SLC12A7: variants seen among roughly 807,000 people sequenced by gnomAD.
The protein encoded by SLC12A7 is K-Cl cotransporter 4.
Under a neutral mutation model 120.6 loss-of-function variants are expected in SLC12A7, and 100 were observed. The ratio of observed to expected loss-of-function variants is 0.83; its 90% CI spans 0.71 to 0.98. The LOEUF (loss-of-function observed/expected upper bound fraction) is 0.98, where lower values mean the gene tolerates loss of function less well. SLC12A7 is among the 50% of genes least tolerant of loss of function. The pLI, the probability that SLC12A7 is intolerant of heterozygous loss-of-function variation, is 0.00. For missense variants in SLC12A7, 1,373 were observed against 1,548.1 expected, an observed-to-expected ratio of 0.89 and a Z score of 1.90; for synonymous variants, 760 against 678.0, an observed-to-expected ratio of 1.12 and a Z score of -1.88.
At chr5:1,069,460 C>T (rs1156591379) in intron 17 of SLC12A7, among the ~76,000 whole-genome samples, 1 of 152,240 alleles carries the variant, frequency 6.6e-6, no homozygotes, top group Non-Finnish European at 1.5e-5. Flanking sequence ...CAGTGGGGGC[C>T]TGGCAGCAGG....
intron 11 of SLC12A7, among the ~76,000 whole-genome samples, chr5:1,078,365 C>T (rs978612796): frequency 2.6e-5 from 4 of 152,010 alleles, no homozygotes; most frequent in African/African-American, 4.8e-5. Context: ...TGATGACCTG[C>T]CTGGGACCCC....
chr5:1,106,361 G>A (rs1742528010), intron 1 of SLC12A7, among the ~76,000 whole-genome samples: 3 of 147,986 alleles, frequency 2.0e-5, no homozygotes, highest in South Asian at 2.1e-4. Flanking sequence ...GCTGAGGCAC[G>A]AGAATCGCTT....
intron 1 of SLC12A7, among the ~76,000 whole-genome samples, chr5:1,102,760 C>T (rs751093916): frequency 6.6e-5 from 10 of 152,192 alleles, no homozygotes; most frequent in Non-Finnish European, 1.2e-4. Flanking sequence ...AGCAGGCCAC[C>T]CTCCCCTGGA....
intron 1 of SLC12A7, among the ~76,000 whole-genome samples, chr5:1,104,698 TG>T (rs1742338309): frequency 1.3e-5 from 2 of 152,002 alleles, no homozygotes; most frequent in Admixed American, 1.3e-4. Flanking sequence ...GGGGTGCGTG[TG>T]GGGTGCTGCC....
At chr5:1,082,740 A>AG (rs1739327726) in intron 8 of SLC12A7, among the ~76,000 whole-genome samples, 3 of 100,246 alleles carry the variant, frequency 3.0e-5, no homozygotes, top group East Asian at 3.6e-4. Context: ...TTCCCATCTC[A>AG]GGTTCTGGAA....
Position 1,086,905 on chromosome 5 carries a change from G to C in SLC12A7, c.673C>G (p.Leu225Val). 2 of 1,612,594 alleles carry C rather than the reference G, an allele frequency of 1.2e-6. No homozygotes were observed. Among genetic ancestry groups the C allele is most frequent in the Non-Finnish European group, 1.7e-6 (2 of 1,179,706 alleles). ...MYILGTIEIF[L>V]TYISPGAAIF... Reference sequence around the variant, plus strand: ...CCCTTCCAAAGCAGCACACTTACCAGAAAAATCTCGATGGTCCCCAAAATA... The same window carrying C: ...CCCTTCCAAAGCAGCACACTTACCACAAAAATCTCGATGGTCCCCAAAATA... The change falls in exon 6 of 24, where the codon CTG becomes GTG. Residue 225 changes from leucine to valine, a missense_variant and splice_region_variant. Leu to Val is a conservative substitution (Grantham distance 32, BLOSUM62 1). Coordinates refer to ENST00000264930, the MANE Select transcript of SLC12A7 (RefSeq NM_006598.3).
At chr5:1,075,516 G>T (rs776612997) in intron 14 of SLC12A7, 26 bp from the exon 15 acceptor site, 3 of 1,596,124 alleles carry the variant, frequency 1.9e-6, no homozygotes, top group Non-Finnish European at 1.7e-6. Context: ...GTGGCTCGGG[G>T]CGGCCCAACG....
chr5:1,077,066 G>A (rs867701722), intron 12 of SLC12A7, among the ~76,000 whole-genome samples: 9 of 53,800 alleles, frequency 1.7e-4, no homozygotes, highest in African/African-American at 3.5e-4. Context: ...CTGCCCCCCC[G>A]CCTCAGTTTC....
At chr5:1,100,836 C>A (rs187110681) in intron 1 of SLC12A7, among the ~76,000 whole-genome samples, 2 of 152,350 alleles carry the variant, frequency 1.3e-5, no homozygotes, top group African/African-American at 4.8e-5. Flanking sequence ...CCAAGAGGAG[C>A]CCGAGGCAGC....
rs1053419796 is a variant in SLC12A7 at position 1,073,481 on chromosome 5, T to C, written c.2241+152A>G. 5.9e-6 allele frequency: 5 copies of C among 848,072 alleles called. No individual in the cohort carries two copies. The Admixed American group carries it at 1.5e-4, about 26-fold the overall frequency. The allele number at this position is 848,072 out of a possible 1,614,324, so 52.5% of individuals were successfully genotyped here. A position where few individuals can be genotyped will look rare whatever the true frequency, so the allele number is the denominator to read the frequency against. On this transcript the variant is annotated intron_variant, in intron 17 of 23. Coordinates refer to ENST00000264930, the MANE Select transcript of SLC12A7 (RefSeq NM_006598.3). Reference sequence around the variant, plus strand: ...CTGGTGCTCCCAGGCCTTAGCGCGCTGCTCTGAGCTCAAAGCCACCGCCAC... The same window carrying C: ...CTGGTGCTCCCAGGCCTTAGCGCGCCGCTCTGAGCTCAAAGCCACCGCCAC...
intron 3 of SLC12A7, among the ~76,000 whole-genome samples, chr5:1,089,527 A>G (rs1349667281): frequency 1.3e-5 from 2 of 150,930 alleles, no homozygotes; most frequent in African/African-American, 4.9e-5. Context: ...TCAGGAATGG[A>G]AGCAGAGCCA....
intron 1 of SLC12A7, among the ~76,000 whole-genome samples, chr5:1,110,468 G>A (rs1379855445): frequency 6.6e-6 from 1 of 152,242 alleles, no homozygotes; most frequent in Admixed American, 6.5e-5. Context: ...GAAGAGACAA[G>A]AAAACGAACA....
chr5:1,052,748 C>T (rs141820841), intron 23 of SLC12A7, among the ~76,000 whole-genome samples: 3 of 152,276 alleles, frequency 2.0e-5, no homozygotes, highest in African/African-American at 4.8e-5. Flanking sequence ...ACCCCAGCCA[C>T]GGGACTGGGT....
At chr5:1,126,248 C>T in the SLC12A7 span, among the ~76,000 whole-genome samples, 5 of 151,996 alleles carry the variant, frequency 3.3e-5, no homozygotes, top group East Asian at 1.9e-4. Flanking sequence ...CCACCATGCC[C>T]GGCTAATTTT....
chr5:1,122,345 T>C, the SLC12A7 span, among the ~76,000 whole-genome samples: 1 of 152,180 alleles, frequency 6.6e-6, no homozygotes, highest in East Asian at 1.9e-4. Flanking sequence ...AAATTCTGGC[T>C]GCCCAGCACA....
intron 22 of SLC12A7, among the ~76,000 whole-genome samples, chr5:1,054,791 G>A (rs1735434801): frequency 6.6e-6 from 1 of 152,230 alleles, no homozygotes; most frequent in South Asian, 2.1e-4. Flanking sequence ...ATTTCCAGGA[G>A]GAACACAGGG....
In SLC12A7 at chr5:1,111,945, CCGT is replaced by C; in HGVS notation, c.44_46del (p.Asp15del). 7.7e-7 allele frequency: 1 copy of C among 1,295,026 alleles called. No individual in the cohort carries two copies. The highest frequency in any genetic ancestry group is 9.8e-7 in the Non-Finnish European group (1 of 1,021,210). 80.2% of individuals were successfully genotyped at this position (1,295,026 alleles called of 1,614,324 possible). ...CCGCTCGGCAGTCTCGTCCCCGCCG[CCGT>C]CGGCGTGAGCCTCCACGGGCACCAC... On this transcript the variant is annotated inframe_deletion, in exon 1 of 24. Coordinates refer to ENST00000264930, the MANE Select transcript of SLC12A7 (RefSeq NM_006598.3).
chr5:1,144,655 A>G, the SLC12A7 span, among the ~76,000 whole-genome samples: 1 of 152,224 alleles, frequency 6.6e-6, no homozygotes, highest in African/African-American at 2.4e-5. Context: ...ACACTTTACA[A>G]TTGAGTACAG....
chr5:1,126,634 C>T, the SLC12A7 span, among the ~76,000 whole-genome samples: 1 of 152,214 alleles, frequency 6.6e-6, no homozygotes, highest in Non-Finnish European at 1.5e-5. Flanking sequence ...CCTTCCCCTC[C>T]TCCCACTCTC....
Sources: gnomAD v4.1 joint callset for allele counts (sites outside exome capture counted in the v4.1 genomes callset) on GRCh38, gnomAD v4.1.1 for gene constraint, MANE v1.5 for transcripts, NCBI Gene and HGNC (gene_info 2026-07-23, HGNC 2026-07-21) for gene names.